ANKS1A: variants seen among roughly 807,000 people sequenced by gnomAD.
ANKS1A encodes the protein ankyrin repeat and SAM domain-containing protein 1A.
ANKS1A carries 55 observed loss-of-function variants against 120.3 expected under a neutral mutation model. That is an observed-to-expected ratio of 0.46 (90% CI 0.37 to 0.57). The LOEUF (loss-of-function observed/expected upper bound fraction) is 0.57, where lower values mean the gene tolerates loss of function less well. Among genes scored for constraint, ANKS1A ranks in the 20% least tolerant of loss-of-function variants. The pLI is 0.00. For synonymous variants in ANKS1A, 590 were observed against 604.7 expected, an observed-to-expected ratio of 0.98 and a Z score of 0.36; for missense variants, 1,123 against 1,480.3, an observed-to-expected ratio of 0.76 and a Z score of 3.96.
intron 13 of ANKS1A, among the ~76,000 whole-genome samples, chr6:35,074,229 A>G (rs1207646871): frequency 6.6e-6 from 1 of 152,200 alleles, no homozygotes; most frequent in Non-Finnish European, 1.5e-5. Context: ...TCACTCTTGG[A>G]CGTCCACGTC....
At position 35,067,458 on chromosome 6, in the gene ANKS1A, G is replaced by T. The variant is rs142182604; in HGVS notation, c.2184+7205G>T. On this transcript the variant is annotated intron_variant, in intron 13 of 23. Transcript: ENST00000360359. ...CTGGGGACTGCATAAACCACCTGTA[G>T]TAGCGGCCGGCCAGCATTAGCAAAG... is the stretch of plus-strand genomic sequence containing the variant. Among the ~76,000 whole-genome samples the T allele has an allele frequency of 9.8e-3, 1,500 of 152,330 alleles. 27 individuals carry two copies. Among genetic ancestry groups the T allele is most frequent in the African/African-American group, 0.033 (1,379 of 41,570 alleles).
chr6:35,069,399 A>T (rs775868643), intron 13 of ANKS1A, among the ~76,000 whole-genome samples: 1 of 151,592 alleles, frequency 6.6e-6, no homozygotes, highest in Non-Finnish European at 1.5e-5. Context: ...CTGCTTGGTG[A>T]CTTTAGCAAA....
Position 35,089,835 on chromosome 6 carries a change from G to A in ANKS1A, c.*1226G>A. 2.9e-6 allele frequency: 3 copies of A among 1,046,628 alleles called. No homozygotes were observed. The highest frequency in any genetic ancestry group is 3.5e-6 in the Non-Finnish European group (3 of 867,280). 64.8% of individuals were successfully genotyped at this position (1,046,628 alleles called of 1,614,324 possible). On this transcript the variant is annotated 3_prime_UTR_variant, in exon 24 of 24. Coordinates refer to ENST00000360359, the MANE Select transcript of ANKS1A (RefSeq NM_015245.3). The stretch of plus-strand genomic sequence containing the variant: ...TTTGAGAGGCAAAGTTGGCTCAGCT[G>A]TGTGCCCAGTTCCTCCTGTGGGCAC...
intron 1 of ANKS1A, among the ~76,000 whole-genome samples, chr6:34,926,445 C>T (rs986650717): frequency 6.6e-6 from 1 of 152,056 alleles, no homozygotes; most frequent in African/African-American, 2.4e-5. Flanking sequence ...CATAGAGTTC[C>T]CAAAATGGAA....
chr6:34,949,176 GAT>G (rs892614428), intron 1 of ANKS1A, among the ~76,000 whole-genome samples: 4 of 152,338 alleles, frequency 2.6e-5, no homozygotes, highest in Non-Finnish European at 5.9e-5. Context: ...AAGAGCTGTG[GAT>G]ATAGTTAACT....
rs1312400772 is a variant in ANKS1A, at chr6:35,044,751, C to CA, written c.2011-9342dup. Among the ~76,000 whole-genome samples the CA allele has an allele frequency of 6.6e-6, 1 of 152,072 alleles. No homozygotes were observed. The highest frequency in any genetic ancestry group is 1.5e-5 in the Non-Finnish European group (1 of 67,994). On this transcript the variant is annotated intron_variant, in intron 11 of 23. Transcript: ENST00000360359. The surrounding 1 kb of genome is among the most constrained non-coding windows in gnomAD (Gnocchi z 4.4). ...TGGTGTATCTTTTAAAACAAAACAA[C>CA]AAAAAACAAAGGAACCTGGATTTTG...
chr6:35,087,979 G>A (rs1013778498), intron 23 of ANKS1A, among the ~76,000 whole-genome samples: 1 of 152,234 alleles, frequency 6.6e-6, no homozygotes, highest in African/African-American at 2.4e-5. Context: ...ACGAGGAGGC[G>A]GCCTGTGCCC....
At chr6:34,922,986 C>G (rs1768518832) in intron 1 of ANKS1A, among the ~76,000 whole-genome samples, 1 of 152,138 alleles carries the variant, frequency 6.6e-6, no homozygotes, top group Non-Finnish European at 1.5e-5. Flanking sequence ...CCACTGTGCC[C>G]AGCCTCCAGG....
chr6:34,954,445 T>C (rs1770246383), intron 1 of ANKS1A, among the ~76,000 whole-genome samples: 2 of 152,156 alleles, frequency 1.3e-5, no homozygotes, highest in South Asian at 4.1e-4. Context: ...AAGAGCAACA[T>C]TGGATATAAC....
intron 1 of ANKS1A, among the ~76,000 whole-genome samples, chr6:34,914,798 A>G (rs1472601685): frequency 6.6e-6 from 1 of 152,208 alleles, no homozygotes; most frequent in Admixed American, 6.5e-5. Context: ...ATGGATGCCT[A>G]AAATGGTATT....
intron 1 of ANKS1A, among the ~76,000 whole-genome samples, chr6:34,909,799 A>C (rs1370009871): frequency 6.6e-6 from 1 of 152,230 alleles, no homozygotes; most frequent in African/African-American, 2.4e-5. Flanking sequence ...GAGTATTAGA[A>C]CTAAAAGGAG....
chr6:35,027,649 A>G (rs1043965376), intron 11 of ANKS1A, among the ~76,000 whole-genome samples: 2 of 152,198 alleles, frequency 1.3e-5, no homozygotes, highest in African/African-American at 4.8e-5. Flanking sequence ...TGACCCTCAG[A>G]AACAACACAG....
Position 34,981,914 on chromosome 6 carries a change from C to T in ANKS1A, c.660C>T (p.His220=). Residue 220 remains histidine, a synonymous_variant, in exon 4 of 24, where the codon CAC becomes CAT. Coordinates refer to ENST00000360359, the MANE Select transcript of ANKS1A (RefSeq NM_015245.3). ...SCNTKKHTPL[H]LAARNGHKAV... Reference sequence around the variant, plus strand: ...ACACTAAGAAGCACACCCCTCTGCACTTGGCAGCAAGGAATGGCCACAAAG... The same window carrying T: ...ACACTAAGAAGCACACCCCTCTGCATTTGGCAGCAAGGAATGGCCACAAAG... 6.2e-7 allele frequency: 1 copy of T among 1,614,190 alleles called. No individual in the cohort carries two copies. The highest frequency in any genetic ancestry group is 8.5e-7 in the Non-Finnish European group (1 of 1,180,032).
chr6:34,941,366 A>C (rs1769524142), intron 1 of ANKS1A, among the ~76,000 whole-genome samples: 1 of 152,122 alleles, frequency 6.6e-6, no homozygotes, highest in African/African-American at 2.4e-5. Context: ...GATGTTACAT[A>C]ATCCACAACT....
chr6:35,035,794 G>T (rs571630931), intron 11 of ANKS1A, among the ~76,000 whole-genome samples: 1 of 152,290 alleles, frequency 6.6e-6, no homozygotes, highest in East Asian at 1.9e-4. Flanking sequence ...GTTTCCTGCC[G>T]GTTTCCTGTG....
chr6:34,964,777 T>C (rs537313431), intron 1 of ANKS1A, among the ~76,000 whole-genome samples: 2 of 152,346 alleles, frequency 1.3e-5, no homozygotes, highest in East Asian at 3.9e-4. Context: ...TCAAAGTGAA[T>C]CCTATTTTTG....
At chr6:34,904,127 T>C (rs1031867978) in intron 1 of ANKS1A, among the ~76,000 whole-genome samples, 1 of 152,196 alleles carries the variant, frequency 6.6e-6, no homozygotes, top group African/African-American at 2.4e-5. Flanking sequence ...TCAAGTCCTT[T>C]ATATAAAATG....
chr6:34,900,750 G>A (rs776153745), intron 1 of ANKS1A, among the ~76,000 whole-genome samples: 13 of 151,966 alleles, frequency 8.6e-5, no homozygotes, highest in Non-Finnish European at 1.5e-4. Flanking sequence ...CTTTGCTCTT[G>A]GTTATTATGC....
chr6:34,919,640 C>G (rs1204074228), intron 1 of ANKS1A, among the ~76,000 whole-genome samples: 1 of 152,102 alleles, frequency 6.6e-6, no homozygotes, highest in Non-Finnish European at 1.5e-5. Flanking sequence ...GGTTCAAATC[C>G]CAGCTCTGCT....
Sources: gnomAD v4.1 joint callset for allele counts (sites outside exome capture counted in the v4.1 genomes callset) on GRCh38, gnomAD v4.1.1 for gene constraint, Gnocchi (gnomAD v3.1) non-coding constraint, MANE v1.5 for transcripts, NCBI Gene and HGNC (gene_info 2026-07-23, HGNC 2026-07-21) for gene names.